The following APLF variants were observed in gnomAD, a reference collection of about 807,000 sequenced individuals.
APLF encodes the protein aprataxin and PNKP like factor.
A neutral mutation model predicts 55.6 loss-of-function variants in APLF; 61 were observed. The ratio of observed to expected loss-of-function variants is 1.10; its 90% CI spans 0.89 to 1.36. The LOEUF is 1.36. Among genes scored for constraint, APLF ranks in the 40% most tolerant of loss-of-function variants. The pLI is 0.00. For synonymous variants in APLF, 207 were observed against 214.8 expected, an observed-to-expected ratio of 0.96 and a Z score of 0.32; for missense variants, 611 against 602.5, an observed-to-expected ratio of 1.01 and a Z score of -0.15.
At chr2:68,474,990 C>G (rs1375015442) in intron 1 of APLF, among the ~76,000 whole-genome samples, 1 of 152,164 alleles carries the variant, frequency 6.6e-6, no homozygotes, top group Admixed American at 6.6e-5. Flanking sequence ...TTTAAAAGCT[C>G]TGAAGATGAT....
At chr2:68,511,139 A>G (rs1013010663) in intron 3 of APLF, among the ~76,000 whole-genome samples, 5 of 151,794 alleles carry the variant, frequency 3.3e-5, no homozygotes, top group Non-Finnish European at 4.4e-5. Context: ...ACCACTGGAT[A>G]GTACACTTTA....
rs753165035 is a variant in APLF at position 68,526,224 on chromosome 2, G to C, written c.786G>C (p.Glu262Asp). 1 of 1,604,234 alleles carries C rather than the reference G, an allele frequency of 6.2e-7. No homozygotes were observed. The highest frequency in any genetic ancestry group is 2.2e-5 in the East Asian group (1 of 44,796). Residue 262 changes from glutamate to aspartate, a missense_variant, in exon 6 of 10, where the codon GAG (glutamate) becomes GAC (aspartate). Physicochemically the swap from Glu to Asp is conservative, Grantham distance 45 (BLOSUM62 2). Coordinates refer to ENST00000303795, the MANE Select transcript of APLF (RefSeq NM_173545.3). ...AGTGCAAAAATACTGATCAGGAAGA[G>C]TCTACCATTTCATCCAAGGTGATTT... is the stretch of plus-strand genomic sequence containing the variant. ...GEECKNTDQE[E>D]STISSKEMPQ...
At chr2:68,537,332 T>C (rs1670420249) in intron 6 of APLF, among the ~76,000 whole-genome samples, 2 of 152,096 alleles carry the variant, frequency 1.3e-5, no homozygotes, top group African/African-American at 4.8e-5. Context: ...GACATGATTG[T>C]AAAGGTTTGA....
chr2:68,509,820 A>G lies in APLF; in HGVS notation c.342-3260A>G, dbSNP rs539286831. 1.4e-4 allele frequency among the ~76,000 whole-genome samples: 22 copies of G among 152,176 alleles called. No individual in the cohort carries two copies. The South Asian group carries it at 4.4e-3, about 30-fold the overall frequency. On this transcript the variant is annotated intron_variant, in intron 3 of 9. Coordinates refer to ENST00000303795, the MANE Select transcript of APLF (RefSeq NM_173545.3). ...ATAGCAAAGACTTGGAACCAACCCA[A>G]ATGTCCATCAATGATAGACTGGGTT...
Position 68,529,167 on chromosome 2 carries a change from G to A in APLF, c.804+2925G>A, listed in dbSNP as rs1573225726. ...GACAGCACGGGTTTCTTCCTTGAGG[G>A]GGGGCTCCAGACAACAGGAGGCAGG... On this transcript the variant is annotated intron_variant, in intron 6 of 9. Transcript: ENST00000303795. The surrounding 1 kb of genome is among the most constrained non-coding windows in gnomAD (Gnocchi z 4.4). 3.9e-6 allele frequency: 5 copies of A among 1,295,528 alleles called. No homozygotes were observed. Among genetic ancestry groups the A allele is most frequent in the East Asian group, 2.5e-5 (1 of 39,692 alleles). The allele number at this position is 1,295,528 out of a possible 1,614,324, so 80.3% of individuals were successfully genotyped here. A position where few individuals can be genotyped will look rare whatever the true frequency, so the allele number is the denominator to read the frequency against.
chr2:68,510,797 A>G (rs774378339), intron 3 of APLF, among the ~76,000 whole-genome samples: 4 of 151,894 alleles, frequency 2.6e-5, no homozygotes, highest in Non-Finnish European at 5.9e-5. Context: ...TGTTGAATAG[A>G]TAAACAAGTA....
intron 8 of APLF, among the ~76,000 whole-genome samples, chr2:68,547,037 G>A (rs896782899): frequency 6.6e-6 from 1 of 151,744 alleles, no homozygotes; most frequent in Non-Finnish European, 1.5e-5. Flanking sequence ...TAAGTGCTTA[G>A]GATGCTTACT....
chr2:68,516,964 TA>T (rs1427157323), intron 5 of APLF, among the ~76,000 whole-genome samples: 1 of 122,962 alleles, frequency 8.1e-6, no homozygotes, highest in Non-Finnish European at 1.6e-5. Context: ...TAATATATAA[TA>T]ATATAATATA....
intron 1 of APLF, 81 bp from the exon 2 acceptor site, chr2:68,490,109 C>T: frequency 1.1e-6 from 1 of 916,376 alleles, no homozygotes; most frequent in African/African-American, 1.7e-5. Context: ...GAAACATCGC[C>T]AAGGGTTTCG....
chr2:68,529,492 T>C lies in APLF; in HGVS notation c.804+3250T>C. ...TGAGCGAGTTGTGCACAGACGAAAC[T>C]AAGGGTCAGAAGCGGAGAGGATACT... On this transcript the variant is annotated intron_variant, in intron 6 of 9. Coordinates refer to ENST00000303795, the MANE Select transcript of APLF (RefSeq NM_173545.3). This position sits in a 1 kb window ranked among gnomAD's most constrained non-coding sequence, Gnocchi z 4.4. 9.5e-7 allele frequency: 1 copy of C among 1,049,642 alleles called. No individual in the cohort carries two copies. The highest frequency in any genetic ancestry group is 1.2e-6 in the Non-Finnish European group (1 of 867,578). The allele number at this position is 1,049,642 out of a possible 1,614,324, so 65.0% of individuals were successfully genotyped here. A position where few individuals can be genotyped will look rare whatever the true frequency, so the allele number is the denominator to read the frequency against.
chr2:68,550,441 A>G (rs1670827242), intron 8 of APLF, among the ~76,000 whole-genome samples: 1 of 152,164 alleles, frequency 6.6e-6, no homozygotes, highest in South Asian at 2.1e-4. Flanking sequence ...TATGTTGGCC[A>G]GGCTGGTCTC....
chr2:68,468,238 C>T (rs1675494810), intron 1 of APLF, among the ~76,000 whole-genome samples: 1 of 152,196 alleles, frequency 6.6e-6, no homozygotes, highest in Non-Finnish European at 1.5e-5. Context: ...AAAATATTTA[C>T]AGTAGTGTCT....
intron 1 of APLF, among the ~76,000 whole-genome samples, chr2:68,486,017 GATTATTTTGGGATTCA>G (rs1676162076): frequency 6.6e-6 from 1 of 151,754 alleles, no homozygotes; most frequent in Non-Finnish European, 1.5e-5. Flanking sequence ...TGGAATCATG[GATTATTTTGGGATTCA>G]ATTTGCTGTA....
intron 1 of APLF, among the ~76,000 whole-genome samples, chr2:68,478,242 T>C (rs967989725): frequency 6.6e-6 from 1 of 152,108 alleles, no homozygotes; most frequent in African/African-American, 2.4e-5. Flanking sequence ...TCTGCAGCTG[T>C]GTTGCCTGCC....
intron 6 of APLF, among the ~76,000 whole-genome samples, chr2:68,532,996 C>T (rs528977567): frequency 6.6e-6 from 1 of 152,226 alleles, no homozygotes; most frequent in East Asian, 1.9e-4. Context: ...GAGGCTGAAG[C>T]AGGAGGACTG....
chr2:68,567,747 A>G (rs1243726827), intron 9 of APLF, among the ~76,000 whole-genome samples: 2 of 152,052 alleles, frequency 1.3e-5, no homozygotes, highest in Non-Finnish European at 2.9e-5. Context: ...CTCATTAATA[A>G]TGTCAATAGT....
At chr2:68,481,369 T>TTTGTC (rs1411795302) in intron 1 of APLF, among the ~76,000 whole-genome samples, 20 of 151,580 alleles carry the variant, frequency 1.3e-4, no homozygotes, top group African/African-American at 4.8e-4. Flanking sequence ...GCAGTTTTGT[T>TTTGTC]TTGTTTTGTT....
chr2:68,525,742 C>CTTTTTTTTTTTTTTTTTTTTTTTT (rs386390398), intron 5 of APLF, among the ~76,000 whole-genome samples: 1 of 82,036 alleles, frequency 1.2e-5, no homozygotes, highest in African/African-American at 6.2e-5. Flanking sequence ...TTCTTTCTTT[C>CTTTTTTTTTTTTTTTTTTTTTTTT]TTTTTTTTTT....
At chr2:68,564,185 G>T (rs1671236828) in intron 8 of APLF, among the ~76,000 whole-genome samples, 1 of 152,070 alleles carries the variant, frequency 6.6e-6, no homozygotes. Flanking sequence ...CAGTAGGAAA[G>T]ATCTTCCCAC....
Sources: allele counts gnomAD v4.1 joint callset (sites outside exome capture counted in the v4.1 genomes callset), GRCh38; gene constraint gnomAD v4.1.1; non-coding constraint Gnocchi (gnomAD v3.1); transcripts MANE v1.5; gene names NCBI Gene and HGNC (gene_info 2026-07-23, HGNC 2026-07-21).